Variants in TXLNB observed in about 807,000 individuals in gnomAD.
TXLNB encodes taxilin beta.
A neutral mutation model predicts 57.4 loss-of-function variants in TXLNB; 37 were observed. That is an observed-to-expected ratio of 0.64 (90% CI 0.50 to 0.85). The LOEUF (loss-of-function observed/expected upper bound fraction) is 0.85, where lower values mean the gene tolerates loss of function less well. Ranked by LOEUF, TXLNB falls within the 40% of genes least tolerant of loss-of-function variation. The pLI, the probability that TXLNB is intolerant of heterozygous loss-of-function variation, is 0.00. For synonymous variants in TXLNB, 302 were observed against 309.6 expected, an observed-to-expected ratio of 0.98 and a Z score of 0.26; for missense variants, 848 against 825.6, an observed-to-expected ratio of 1.03 and a Z score of -0.33.
chr6:139,203,966 A>C, the TXLNB span, among the ~76,000 whole-genome samples: 1 of 152,232 alleles, frequency 6.6e-6, no homozygotes, highest in Admixed American at 6.5e-5. Context: ...GTTTAGAGCA[A>C]ACTGTGCTTC....
intron 5 of TXLNB, among the ~76,000 whole-genome samples, chr6:139,261,771 G>T (rs1033008544): frequency 3.9e-5 from 6 of 151,916 alleles, no homozygotes; most frequent in Non-Finnish European, 4.4e-5. Context: ...ATGCCATATG[G>T]TATGTAAAGT....
the TXLNB span, among the ~76,000 whole-genome samples, chr6:139,162,921 T>G: frequency 1.3e-5 from 2 of 152,176 alleles, no homozygotes; most frequent in Non-Finnish European, 2.9e-5. Flanking sequence ...CTCTGCTGTC[T>G]TCTGTACCCT....
At chr6:139,260,971 C>A (rs750855912) in intron 5 of TXLNB, among the ~76,000 whole-genome samples, 3 of 152,148 alleles carry the variant, frequency 2.0e-5, no homozygotes, top group Non-Finnish European at 2.9e-5. Flanking sequence ...CCTGAGCCCC[C>A]CTGAATTCTA....
intron 4 of TXLNB, among the ~76,000 whole-genome samples, chr6:139,265,934 G>A (rs1267918064): frequency 6.6e-6 from 1 of 152,172 alleles, no homozygotes. Context: ...AAAAAAGAGA[G>A]AGTCAGAGAA....
At chr6:139,167,621 A>T in the TXLNB span, among the ~76,000 whole-genome samples, 1 of 152,190 alleles carries the variant, frequency 6.6e-6, no homozygotes, top group Non-Finnish European at 1.5e-5. Context: ...GAGTTGTTGC[A>T]TATTTGTCAC....
At chr6:139,245,706 T>G (rs1415042093) in intron 8 of TXLNB, among the ~76,000 whole-genome samples, 1 of 151,566 alleles carries the variant, frequency 6.6e-6, no homozygotes, top group Non-Finnish European at 1.5e-5. Context: ...TCTTCTTTTT[T>G]GTTGTTGTTT....
At chr6:139,278,289 C>G (rs1341465192) in intron 2 of TXLNB, among the ~76,000 whole-genome samples, 1 of 152,190 alleles carries the variant, frequency 6.6e-6, no homozygotes, top group Non-Finnish European at 1.5e-5. Context: ...CTAGAGAGAC[C>G]TAGAGAAATA....
the TXLNB span, among the ~76,000 whole-genome samples, chr6:139,208,483 T>C: frequency 6.6e-6 from 1 of 151,856 alleles, no homozygotes; most frequent in Non-Finnish European, 1.5e-5. Context: ...GAAAAGGACA[T>C]AACAAAAAAA....
At chr6:139,207,035 G>A in the TXLNB span, among the ~76,000 whole-genome samples, 2,739 of 152,166 alleles carry the variant, frequency 0.018, 89 homozygotes, top group African/African-American at 0.063. Flanking sequence ...ATAATAGTGC[G>A]GGACTTCAGT....
At chr6:139,183,932 CAAGGACTAGGGTCATTTATCTTTTAAAGA>C in the TXLNB span, among the ~76,000 whole-genome samples, 1 of 151,328 alleles carries the variant, frequency 6.6e-6, no homozygotes, top group African/African-American at 2.5e-5. Context: ...TTAGAAAACA[CAAGGACTAGGGTCATTTATCTTTTAAAGA>C]ATATAGTGAC....
At chr6:139,310,226 G>A in the TXLNB span, among the ~76,000 whole-genome samples, 1 of 152,212 alleles carries the variant, frequency 6.6e-6, no homozygotes, top group Non-Finnish European at 1.5e-5. Context: ...CAAACCCCAT[G>A]TCTGATGAGG....
At chr6:139,171,346 A>T in the TXLNB span, among the ~76,000 whole-genome samples, 2 of 152,238 alleles carry the variant, frequency 1.3e-5, no homozygotes, top group East Asian at 3.8e-4. Context: ...GTGCGTATAT[A>T]TACACATCAA....
rs1777224330 is a variant in TXLNB, at chr6:139,288,357, A to G, written c.424+119T>C. 9 of 981,704 alleles carry G rather than the reference A, an allele frequency of 9.2e-6. No homozygotes were observed. In the South Asian group the frequency reaches 1.3e-4, roughly 14 times the overall value. 60.8% of individuals were successfully genotyped at this position (981,704 alleles called of 1,614,324 possible). On this transcript the variant is annotated intron_variant, in intron 2 of 9. Transcript: ENST00000358430. ...GGGGACAAATACAACAAGGGAAAAT[A>G]TAGAAGGCTACTACAGTCATCCAAA... is the stretch of plus-strand genomic sequence containing the variant.
the TXLNB span, among the ~76,000 whole-genome samples, chr6:139,192,704 G>A: frequency 1.3e-5 from 2 of 151,996 alleles, no homozygotes; most frequent in African/African-American, 4.8e-5. Context: ...CAGCACTTTC[G>A]GAGGCCGAGG....
chr6:139,184,815 G>C, the TXLNB span, among the ~76,000 whole-genome samples: 2 of 152,090 alleles, frequency 1.3e-5, no homozygotes, highest in East Asian at 3.9e-4. Context: ...GACTGTTGAG[G>C]GTTGCTTGAC....
At chr6:139,222,468 C>T in the TXLNB span, among the ~76,000 whole-genome samples, 1 of 152,068 alleles carries the variant, frequency 6.6e-6, no homozygotes, top group Non-Finnish European at 1.5e-5. Context: ...TTTTATACAC[C>T]TAATAATAAG....
the TXLNB span, among the ~76,000 whole-genome samples, chr6:139,202,807 T>C: frequency 6.6e-6 from 1 of 152,192 alleles, no homozygotes; most frequent in Non-Finnish European, 1.5e-5. Context: ...AATTTATTCC[T>C]TCTATCTAGC....
At chr6:139,168,662 A>T in the TXLNB span, among the ~76,000 whole-genome samples, 8 of 151,882 alleles carry the variant, frequency 5.3e-5, no homozygotes, top group African/African-American at 1.9e-4. Flanking sequence ...TCCTATTTTT[A>T]AAAATCTTGT....
chr6:139,311,851 C>T, the TXLNB span, among the ~76,000 whole-genome samples: 2 of 152,162 alleles, frequency 1.3e-5, no homozygotes, highest in East Asian at 1.9e-4. Context: ...TCTGGAAATC[C>T]GAGAGCAGGG....
Sources: allele counts gnomAD v4.1 joint callset (sites outside exome capture counted in the v4.1 genomes callset), GRCh38; gene constraint gnomAD v4.1.1; transcripts MANE v1.5; gene names NCBI Gene and HGNC (gene_info 2026-07-23, HGNC 2026-07-21).